IQCM: variants seen among roughly 807,000 people sequenced by gnomAD.
IQCM encodes the protein IQ domain-containing protein M.
A neutral mutation model predicts 57.6 loss-of-function variants in IQCM; 45 were observed. The ratio of observed to expected loss-of-function variants is 0.78; its 90% CI spans 0.62 to 1.00. IQCM has a LOEUF of 1.00. Among genes scored for constraint, IQCM ranks in the 50% least tolerant of loss-of-function variants. IQCM has a pLI of 0.00. For missense variants in IQCM, 468 were observed against 511.6 expected (o/e 0.91, Z 0.82); for synonymous variants, 148 against 158.9 (o/e 0.93, Z 0.51).
chr4:149,371,423 A>G (rs1187243684), intron 13 of IQCM, among the ~76,000 whole-genome samples: 2 of 152,080 alleles, frequency 1.3e-5, no homozygotes, highest in African/African-American at 2.4e-5. Flanking sequence ...GAACCCACTT[A>G]TTTTCACCAA....
intron 2 of IQCM, among the ~76,000 whole-genome samples, chr4:149,794,752 T>TTCTTGTG: frequency 6.6e-6 from 1 of 152,092 alleles, no homozygotes; most frequent in East Asian, 1.9e-4. Context: ...AGCTGTAAGA[T>TTCTTGTG]AAAGTCAAGA....
At chr4:149,749,652 C>A (rs1768251211) in intron 2 of IQCM, among the ~76,000 whole-genome samples, 1 of 152,046 alleles carries the variant, frequency 6.6e-6, no homozygotes, top group South Asian at 2.1e-4. Context: ...ATTCATTGAG[C>A]TATACACAGG....
intron 12 of IQCM, among the ~76,000 whole-genome samples, chr4:149,517,651 G>A (rs1052507053): frequency 1.3e-5 from 2 of 152,160 alleles, no homozygotes; most frequent in African/African-American, 4.8e-5. Flanking sequence ...TGCCAAAGGA[G>A]ATTAACATTT....
chr4:149,804,640 A>G (rs1283150110), intron 2 of IQCM, among the ~76,000 whole-genome samples: 1 of 152,060 alleles, frequency 6.6e-6, no homozygotes, highest in Non-Finnish European at 1.5e-5. Context: ...TTTGCCCTGT[A>G]TGTTTATCCC....
rs1357200231 is a variant in IQCM at position 149,351,751 on chromosome 4, T to C, written c.*200A>G. On this transcript the variant is annotated 3_prime_UTR_variant, in exon 14 of 14. Coordinates refer to ENST00000636793, the MANE Select transcript of IQCM (RefSeq NM_001363507.2). ...GTTTACTTCATTATGATAAAAGAGA[T>C]GTTTTTTATGAAGGAGATCAAATGA... Among the ~76,000 whole-genome samples, 2 of 152,184 alleles carry C rather than the reference T, an allele frequency of 1.3e-5. No individual in the cohort carries two copies. The highest frequency in any genetic ancestry group is 2.9e-5 in the Non-Finnish European group (2 of 68,030).
rs565436181 is a variant in IQCM at position 149,428,518 on chromosome 4, C to T, written c.1390+4878G>A. Among the ~76,000 whole-genome samples, 8 of 151,806 alleles carry T rather than the reference C, an allele frequency of 5.3e-5. No individual in the cohort carries two copies. The South Asian group carries it at 8.3e-4, about 16-fold the overall frequency. ...GAAAACAGAGAGTCATAATAATCTA[C>T]GCATAGCCTTTATTTTGTAGCTAGT... is the stretch of plus-strand genomic sequence containing the variant. On this transcript the variant is annotated intron_variant, in intron 13 of 13. Coordinates refer to ENST00000636793, the MANE Select transcript of IQCM (RefSeq NM_001363507.2).
chr4:149,392,616 T>C (rs1221706707), intron 13 of IQCM, among the ~76,000 whole-genome samples: 1 of 151,940 alleles, frequency 6.6e-6, no homozygotes, highest in Non-Finnish European at 1.5e-5. Flanking sequence ...AACTCGATGG[T>C]TCCAGAAACT....
At chr4:149,722,651 T>A (rs1765549137) in intron 5 of IQCM, among the ~76,000 whole-genome samples, 1 of 152,048 alleles carries the variant, frequency 6.6e-6, no homozygotes, top group Non-Finnish European at 1.5e-5. Context: ...GACTTGTGTG[T>A]CTACTTTTAC....
intron 7 of IQCM, chr4:149,666,311 G>A (rs1043976113): frequency 6.6e-6 from 1 of 152,294 alleles, no homozygotes; most frequent in African/African-American, 2.4e-5. Context: ...GCCTCACCCA[G>A]GAAGAACAAG....
intron 2 of IQCM, among the ~76,000 whole-genome samples, chr4:149,792,561 A>G (rs1055007321): frequency 2.0e-5 from 3 of 152,146 alleles, no homozygotes; most frequent in Non-Finnish European, 2.9e-5. Context: ...TCTATTTTTT[A>G]AAATATTTTC....
chr4:149,635,585 G>A (rs1208015436), intron 7 of IQCM, among the ~76,000 whole-genome samples: 1 of 152,020 alleles, frequency 6.6e-6, no homozygotes, highest in Non-Finnish European at 1.5e-5. Flanking sequence ...TTTTAATTAT[G>A]TATATTCCTT....
chr4:149,652,640 A>T (rs1561109119), intron 7 of IQCM, among the ~76,000 whole-genome samples: 1 of 152,134 alleles, frequency 6.6e-6, no homozygotes, highest in South Asian at 2.1e-4. Flanking sequence ...AAAGAAAAAA[A>T]AACATCATTT....
intron 13 of IQCM, among the ~76,000 whole-genome samples, chr4:149,366,398 C>T (rs1422261255): frequency 6.6e-6 from 1 of 151,838 alleles, no homozygotes; most frequent in Non-Finnish European, 1.5e-5. Flanking sequence ...GTCTACTCCT[C>T]TATGATCCTA....
chr4:149,694,888 C>G (rs1388003430), intron 5 of IQCM, among the ~76,000 whole-genome samples: 1 of 152,146 alleles, frequency 6.6e-6, no homozygotes, highest in Non-Finnish European at 1.5e-5. Flanking sequence ...ATTTTGTACA[C>G]TGAATAATCA....
chr4:149,509,573 A>G (rs939128255), intron 12 of IQCM, among the ~76,000 whole-genome samples: 3 of 8,178 alleles, frequency 3.7e-4, no homozygotes, highest in African/African-American at 4.4e-4. Flanking sequence ...TAAAAATATG[A>G]CTGGAAAAAA....
chr4:149,395,714 G>A (rs184798216), intron 13 of IQCM, among the ~76,000 whole-genome samples: 11 of 152,072 alleles, frequency 7.2e-5, no homozygotes, highest in African/African-American at 2.2e-4. Flanking sequence ...TCAGGAGACA[G>A]GAACATATTT....
intron 7 of IQCM, among the ~76,000 whole-genome samples, chr4:149,667,645 C>G (rs1162399812): frequency 2.0e-5 from 3 of 151,944 alleles, no homozygotes; most frequent in African/African-American, 7.2e-5. Context: ...GCTAAAGGAG[C>G]ATGTTCTAAC....
intron 13 of IQCM, among the ~76,000 whole-genome samples, chr4:149,381,629 T>G (rs1174311693): frequency 1.3e-5 from 2 of 152,150 alleles, no homozygotes; most frequent in Non-Finnish European, 2.9e-5. Flanking sequence ...AAATGTCAAC[T>G]TCTGAGTGCA....
intron 12 of IQCM, among the ~76,000 whole-genome samples, chr4:149,463,033 T>C (rs1738472136): frequency 1.3e-5 from 2 of 152,202 alleles, no homozygotes; most frequent in African/African-American, 4.8e-5. Context: ...AAAAGACCAT[T>C]AGTAAGAACT....
Sources: allele counts gnomAD v4.1 joint callset (sites outside exome capture counted in the v4.1 genomes callset), GRCh38; gene constraint gnomAD v4.1.1; transcripts MANE v1.5; gene names NCBI Gene and HGNC (gene_info 2026-07-23, HGNC 2026-07-21).